Variants in UNC5D observed in about 807,000 individuals in gnomAD.
The protein encoded by UNC5D is netrin receptor UNC5D.
A neutral mutation model predicts 105.4 loss-of-function variants in UNC5D; 39 were observed. The ratio of observed to expected loss-of-function variants is 0.37; its 90% CI spans 0.29 to 0.48. The LOEUF (loss-of-function observed/expected upper bound fraction) is 0.48, where lower values mean the gene tolerates loss of function less well. UNC5D is among the 20% of genes least tolerant of loss of function. The pLI, the probability that UNC5D is intolerant of heterozygous loss-of-function variation, is 0.98. For missense variants in UNC5D, 991 were observed against 1,202.4 expected (o/e 0.82, Z 2.60); for synonymous variants, 452 against 450.4 (o/e 1.00, Z -0.04).
intron 3 of UNC5D, among the ~76,000 whole-genome samples, chr8:35,590,157 T>C (rs1306810557): frequency 6.6e-6 from 1 of 152,086 alleles, no homozygotes. Flanking sequence ...TATTTGAGGG[T>C]ATTGTTTTTA....
At chr8:35,697,142 C>G (rs767547823) in intron 7 of UNC5D, among the ~76,000 whole-genome samples, 1 of 113,674 alleles carries the variant, frequency 8.8e-6, no homozygotes, top group Non-Finnish European at 1.5e-5. Context: ...TATATACATA[C>G]ACACACACAC....
At chr8:35,368,349 ACACC>A (rs1277725133) in intron 1 of UNC5D, among the ~76,000 whole-genome samples, 3 of 152,030 alleles carry the variant, frequency 2.0e-5, no homozygotes, top group Admixed American at 6.6e-5. Flanking sequence ...GCATGCATGC[ACACC>A]CACCCACCCA....
At chr8:35,487,394 C>T (rs552928384) in intron 1 of UNC5D, among the ~76,000 whole-genome samples, 16 of 152,146 alleles carry the variant, frequency 1.1e-4, no homozygotes, top group African/African-American at 3.6e-4. Flanking sequence ...AAAAACTCAC[C>T]TCCTTTGAGC....
intron 1 of UNC5D, among the ~76,000 whole-genome samples, chr8:35,451,429 T>C (rs1014774757): frequency 1.3e-5 from 2 of 152,122 alleles, no homozygotes; most frequent in Non-Finnish European, 2.9e-5. Context: ...GATTTTAAGC[T>C]CTTTATATAT....
chr8:35,395,364 CA>C (rs1490056201), intron 1 of UNC5D, among the ~76,000 whole-genome samples: 5 of 152,010 alleles, frequency 3.3e-5, no homozygotes, highest in African/African-American at 9.7e-5. Context: ...AAGACTTAAC[CA>C]AAAAAGCTAC....
chr8:35,630,275 A>G (rs901183417), intron 4 of UNC5D, among the ~76,000 whole-genome samples: 4 of 152,216 alleles, frequency 2.6e-5, no homozygotes, highest in Admixed American at 6.5e-5. Flanking sequence ...CTTTTATCCA[A>G]TGATCTACAA....
At chr8:35,608,070 C>T (rs1820428332) in intron 4 of UNC5D, among the ~76,000 whole-genome samples, 1 of 152,140 alleles carries the variant, frequency 6.6e-6, no homozygotes, top group Non-Finnish European at 1.5e-5. Flanking sequence ...TCTGCAAAGA[C>T]CCAATTACCA....
At chr8:35,274,896 C>G (rs936027989) in intron 1 of UNC5D, among the ~76,000 whole-genome samples, 2 of 151,898 alleles carry the variant, frequency 1.3e-5, no homozygotes, top group East Asian at 1.9e-4. Context: ...TTGAGACCAG[C>G]CTGGCCAACA....
At chr8:35,240,591 A>G (rs1198924796) in intron 1 of UNC5D, among the ~76,000 whole-genome samples, 4 of 152,190 alleles carry the variant, frequency 2.6e-5, no homozygotes, top group Non-Finnish European at 5.9e-5. Flanking sequence ...AGAGGGACAC[A>G]GGATTGAAAG....
chr8:35,714,767 A>C (rs1828157694), intron 8 of UNC5D, among the ~76,000 whole-genome samples: 1 of 152,252 alleles, frequency 6.6e-6, no homozygotes, highest in African/African-American at 2.4e-5. Context: ...TACAGACTTT[A>C]CAGTGTATGG....
intron 1 of UNC5D, among the ~76,000 whole-genome samples, chr8:35,390,580 C>A (rs7819547): frequency 0.44 from 66,378 of 151,866 alleles, 14,791 homozygotes; most frequent in East Asian, 0.7. Flanking sequence ...AACGTGTTTC[C>A]AAAAAAGTAA....
intron 4 of UNC5D, among the ~76,000 whole-genome samples, chr8:35,679,851 C>T (rs1563661050): frequency 2.6e-5 from 4 of 152,014 alleles, no homozygotes; most frequent in Non-Finnish European, 4.4e-5. Flanking sequence ...TATTTCTTAC[C>T]GTTCTGGAGG....
chr8:35,354,127 A>G (rs1801419041), intron 1 of UNC5D, among the ~76,000 whole-genome samples: 1 of 152,202 alleles, frequency 6.6e-6, no homozygotes, highest in Non-Finnish European at 1.5e-5. Flanking sequence ...AATTGTATCA[A>G]ACACAGGAAA....
chr8:35,534,096 T>A (rs1302292227), intron 1 of UNC5D, among the ~76,000 whole-genome samples: 4 of 152,230 alleles, frequency 2.6e-5, no homozygotes, highest in African/African-American at 9.6e-5. Flanking sequence ...TTTTTATAGT[T>A]GATATCATAT....
intron 1 of UNC5D, among the ~76,000 whole-genome samples, chr8:35,357,711 C>A (rs1801639039): frequency 6.6e-6 from 1 of 152,146 alleles, no homozygotes; most frequent in Admixed American, 6.6e-5. Flanking sequence ...GTAAATCCAA[C>A]CCTCCAGCCC....
intron 8 of UNC5D, among the ~76,000 whole-genome samples, chr8:35,713,994 G>A (rs576960712): frequency 6.6e-6 from 1 of 152,346 alleles, no homozygotes; most frequent in Non-Finnish European, 1.5e-5. Context: ...AGGTGTCAGG[G>A]TGACTGTACT....
At chr8:35,240,768 A>G (rs963959201) in intron 1 of UNC5D, among the ~76,000 whole-genome samples, 1 of 152,230 alleles carries the variant, frequency 6.6e-6, no homozygotes, top group Non-Finnish European at 1.5e-5. Context: ...ATTACTATCA[A>G]GAGGCATAGA....
chr8:35,421,473 T>C (rs1344347805), intron 1 of UNC5D, among the ~76,000 whole-genome samples: 1 of 152,252 alleles, frequency 6.6e-6, no homozygotes, highest in Non-Finnish European at 1.5e-5. Context: ...AGATTCTTAC[T>C]GAAGATATTC....
At chr8:35,437,208 C>G (rs1042633804) in intron 1 of UNC5D, among the ~76,000 whole-genome samples, 2 of 152,026 alleles carry the variant, frequency 1.3e-5, no homozygotes, top group East Asian at 3.9e-4. Flanking sequence ...ATTTATCATG[C>G]TCATTATAAA....
Sources: gnomAD v4.1 joint callset for allele counts (sites outside exome capture counted in the v4.1 genomes callset) on GRCh38, gnomAD v4.1.1 for gene constraint, MANE v1.5 for transcripts, NCBI Gene and HGNC (gene_info 2026-07-23, HGNC 2026-07-21) for gene names.